Variants in CNGA3 observed in about 807,000 individuals in gnomAD.
CNGA3 encodes cyclic nucleotide-gated channel alpha-3.
A neutral mutation model predicts 46.6 loss-of-function variants in CNGA3; 42 were observed. The observed-to-expected ratio is 0.90, with a 90% CI of 0.70 to 1.17. The LOEUF (loss-of-function observed/expected upper bound fraction) is 1.17. Ranked by LOEUF, CNGA3 falls within the 50% of genes most tolerant of loss-of-function variation. CNGA3 has a pLI of 0.00. For synonymous variants in CNGA3, 394 were observed against 369.4 expected, an observed-to-expected ratio of 1.07 and a Z score of -0.76; for missense variants, 893 against 890.7, an observed-to-expected ratio of 1.00 and a Z score of -0.03.
chr2:98,373,864 G>C (rs142052890), intron 2 of CNGA3, among the ~76,000 whole-genome samples: 2,206 of 152,280 alleles, frequency 0.014, 46 homozygotes, highest in African/African-American at 0.048. Context: ...GTGTCTGACA[G>C]AAGAGTGGTC....
At chr2:98,392,613 T>C (rs942905664) in intron 7 of CNGA3, among the ~76,000 whole-genome samples, 16 of 149,124 alleles carry the variant, frequency 1.1e-4, no homozygotes, top group Admixed American at 6.6e-5. Flanking sequence ...AGAAAAGAAG[T>C]AAGCAGGCCG....
chr2:98,392,075 C>A (rs1051201455), intron 7 of CNGA3, 105 bp downstream of exon 7: 25 of 1,015,972 alleles, frequency 2.5e-5, no homozygotes, highest in Non-Finnish European at 3.6e-5. Context: ...CCATGAGAGG[C>A]CAGGCAGGTC....
In CNGA3 at chr2:98,367,534, G is replaced by A. The variant is rs558998588; in HGVS notation, c.-37-2405G>A. Reference sequence around the variant, plus strand: ...TAGTCAGCCATCTTGGTCCCTCCCCGGATTTATTACTTTTAATGAGTACAA... The same window carrying A: ...TAGTCAGCCATCTTGGTCCCTCCCCAGATTTATTACTTTTAATGAGTACAA... On this transcript the variant is annotated intron_variant, in intron 1 of 7. Coordinates refer to ENST00000272602, the MANE Select transcript of CNGA3 (RefSeq NM_001298.3). Among the ~76,000 whole-genome samples the A allele has an allele frequency of 1.4e-4, 21 of 152,010 alleles. 1 individual carries two copies. Among genetic ancestry groups the A allele is most frequent in the African/African-American group, 4.1e-4 (17 of 41,460 alleles).
intron 6 of CNGA3, 115 bp from the exon 7 acceptor site, chr2:98,391,748 GC>G: frequency 1.1e-6 from 1 of 926,826 alleles, no homozygotes; most frequent in South Asian, 1.3e-5. Flanking sequence ...CGCAGGCAGG[GC>G]CATTCCCATA....
rs779119081 is a variant in CNGA3 at position 98,396,329 on chromosome 2, G to A, written c.1159G>A (p.Val387Met). The A allele has an allele frequency of 2.5e-6, 4 of 1,611,882 alleles. No homozygotes were observed. Among genetic ancestry groups the A allele is most frequent in the Non-Finnish European group, 2.5e-6 (3 of 1,178,324 alleles). ...TCTCTTTGTGGTCGTAGACTTCTTG[G>A]TGGGTGTTCTGATTTTTGCCACCAT... is the stretch of plus-strand genomic sequence containing the variant. The part of the protein sequence containing the change: ...EYLFVVVDFL[V>M]GVLIFATIVG... Residue 387 changes from valine (V) to methionine (M), a missense_variant, in exon 8 of 8, where the codon GTG becomes ATG. Coordinates refer to ENST00000272602, the MANE Select transcript of CNGA3 (RefSeq NM_001298.3).
At position 98,394,405 on chromosome 2, in the gene CNGA3, T is replaced by C. The variant is rs1479567598; in HGVS notation, c.674-1439T>C. Among the ~76,000 whole-genome samples, 3 of 152,308 alleles carry C rather than the reference T, an allele frequency of 2.0e-5. No homozygotes were observed. The East Asian group carries it at 5.8e-4, about 29-fold the overall frequency. On this transcript the variant is annotated intron_variant, in intron 7 of 7. Coordinates refer to ENST00000272602, the MANE Select transcript of CNGA3 (RefSeq NM_001298.3). ...AAAGCTGTGTTCCTGGAAGGTGTTT[T>C]CAAAAGGCAGGTTGTGCCCCATTGC...
chr2:98,361,113 T>G (rs1010847275), intron 1 of CNGA3, among the ~76,000 whole-genome samples: 2 of 152,078 alleles, frequency 1.3e-5, no homozygotes, highest in Non-Finnish European at 2.9e-5. Flanking sequence ...GTTTGCTGCA[T>G]CTATCAACCC....
At chr2:98,389,916 C>T in intron 6 of CNGA3, 142 bp downstream of exon 6, 1 of 633,390 alleles carries the variant, frequency 1.6e-6, no homozygotes, top group South Asian at 1.9e-5. Context: ...CTCGGTTTCT[C>T]CTTTTAAAAA....
At chr2:98,375,398 C>G (rs1429080740) in intron 2 of CNGA3, among the ~76,000 whole-genome samples, 1 of 152,210 alleles carries the variant, frequency 6.6e-6, no homozygotes, top group African/African-American at 2.4e-5. Flanking sequence ...ACAGGGCCCC[C>G]GCCCAGCTGT....
intron 7 of CNGA3, among the ~76,000 whole-genome samples, chr2:98,393,289 A>G (rs903903468): frequency 1.3e-5 from 2 of 152,202 alleles, no homozygotes; most frequent in Non-Finnish European, 2.9e-5. Flanking sequence ...ACACCAGCAG[A>G]TCACAGTAGC....
At chr2:98,376,326 C>T (rs1692404895) in intron 2 of CNGA3, among the ~76,000 whole-genome samples, 1 of 152,104 alleles carries the variant, frequency 6.6e-6, no homozygotes, top group Admixed American at 6.5e-5. Flanking sequence ...AAGGAAGAGA[C>T]TTGACCCCAA....
chr2:98,390,364 G>C (rs1271485386), intron 6 of CNGA3, among the ~76,000 whole-genome samples: 2 of 151,846 alleles, frequency 1.3e-5, no homozygotes, highest in Non-Finnish European at 2.9e-5. Context: ...GGCTAGGCTG[G>C]TCTTGAACTC....
intron 1 of CNGA3, among the ~76,000 whole-genome samples, chr2:98,347,338 C>T (rs1691656884): frequency 6.6e-6 from 1 of 152,180 alleles, no homozygotes; most frequent in Non-Finnish European, 1.5e-5. Context: ...AATCCCCTAA[C>T]CGGATAAAGG....
chr2:98,349,896 T>G (rs1691736804), intron 1 of CNGA3, among the ~76,000 whole-genome samples: 1 of 152,108 alleles, frequency 6.6e-6, no homozygotes, highest in Admixed American at 6.5e-5. Flanking sequence ...TGGCTCTGGG[T>G]GTTGCTCATG....
At chr2:98,372,337 G>C (rs543242129) in intron 2 of CNGA3, among the ~76,000 whole-genome samples, 1 of 152,300 alleles carries the variant, frequency 6.6e-6, no homozygotes, top group African/African-American at 2.4e-5. Context: ...AGCAGCCACT[G>C]GCCTCTGGCT....
intron 2 of CNGA3, among the ~76,000 whole-genome samples, chr2:98,375,064 T>C (rs995856144): frequency 3.3e-5 from 5 of 152,230 alleles, no homozygotes; most frequent in Non-Finnish European, 7.3e-5. Context: ...CTTTCCACTC[T>C]GCCTCCTCCC....
Position 98,370,007 on chromosome 2 carries a change from C to T in CNGA3, c.32C>T (p.Pro11Leu). The change falls in exon 2 of 8, where the codon CCC (proline) becomes CTC (leucine). Residue 11 changes from proline (P) to leucine (L), a missense_variant. Around this residue, in one of 3 missense-constraint regions of CNGA3, gnomAD observed 333 missense variants for 290.8 expected, o/e 1.15. Transcript: ENST00000272602. ...AAGATCAACACCCAATACTCCCACC[C>T]CTCCAGGACCCACCTCAAGGTAAAG... Reference protein sequence around the residue: MAKINTQYSHPSRTHLKVKTS... With the variant: MAKINTQYSHLSRTHLKVKTS... 1 of 1,614,054 alleles carries T rather than the reference C, an allele frequency of 6.2e-7. No individual in the cohort carries two copies. Among genetic ancestry groups the T allele is most frequent in the Non-Finnish European group, 8.5e-7 (1 of 1,179,994 alleles).
chr2:98,390,142 CTT>C (rs562711126), intron 6 of CNGA3, among the ~76,000 whole-genome samples: 1 of 144,506 alleles, frequency 6.9e-6, no homozygotes, highest in African/African-American at 2.5e-5. Flanking sequence ...CTATTTTTTT[CTT>C]TTTTTTTTTG....
chr2:98,371,059 A>G (rs1182300351), intron 2 of CNGA3, among the ~76,000 whole-genome samples: 1 of 152,190 alleles, frequency 6.6e-6, no homozygotes, highest in Non-Finnish European at 1.5e-5. Context: ...TCCTGACCTC[A>G]GGTGATCCAC....
Sources: allele counts gnomAD v4.1 joint callset (sites outside exome capture counted in the v4.1 genomes callset), GRCh38; gene constraint gnomAD v4.1.1; regional missense constraint gnomAD v4.1.1; transcripts MANE v1.5; gene names NCBI Gene and HGNC (gene_info 2026-07-23, HGNC 2026-07-21).